ADARB2: variants seen among roughly 807,000 people sequenced by gnomAD.
ADARB2 encodes inactive double-stranded RNA-specific editase B2.
In ADARB2, 25 loss-of-function variants were observed where a neutral mutation model predicts 62.2. That is an observed-to-expected ratio of 0.40 (90% CI 0.29 to 0.56). The LOEUF (loss-of-function observed/expected upper bound fraction) is 0.56, where lower values mean the gene tolerates loss of function less well. ADARB2 is among the 20% of genes least tolerant of loss of function. ADARB2 has a pLI of 0.43. For synonymous variants in ADARB2, 572 were observed against 500.8 expected, an observed-to-expected ratio of 1.14 and a Z score of -1.90; for missense variants, 1,071 against 1,077.4, an observed-to-expected ratio of 0.99 and a Z score of 0.08.
intron 3 of ADARB2, among the ~76,000 whole-genome samples, chr10:1,350,494 C>T (rs1304792417): frequency 6.6e-6 from 1 of 152,192 alleles, no homozygotes; most frequent in Non-Finnish European, 1.5e-5. Context: ...GTCTGACTTA[C>T]AGTTTCGTTC....
intron 1 of ADARB2, among the ~76,000 whole-genome samples, chr10:1,414,732 A>T (rs1476528253): frequency 6.6e-6 from 1 of 151,976 alleles, no homozygotes; most frequent in Non-Finnish European, 1.5e-5. Flanking sequence ...TACTTCTCAA[A>T]CTGTCTTTTT....
At chr10:1,257,968 T>C (rs74975806) in intron 4 of ADARB2, among the ~76,000 whole-genome samples, 5,017 of 152,314 alleles carry the variant, frequency 0.033, 302 homozygotes, top group African/African-American at 0.11. Flanking sequence ...ATTTGTTCAC[T>C]AATTAGCCTG....
Position 1,179,083 on chromosome 10 carries a change from A to G in ADARB2, c.*4110T>C, listed in dbSNP as rs1836628020. 1 of 152,202 alleles carries G rather than the reference A, an allele frequency of 6.6e-6. No homozygotes were observed. Among genetic ancestry groups the G allele is most frequent in the African/African-American group, 2.4e-5 (1 of 41,456 alleles). 9.4% of individuals were successfully genotyped at this position (152,202 alleles called of 1,614,324 possible). On this transcript the variant is annotated 3_prime_UTR_variant, in exon 10 of 10. Transcript: ENST00000381312. ...CAAATGTCTTCAGTTGTTTTAAACA[A>G]TACACTATAGACACATCTTGAAATT...
At chr10:1,600,455 G>GT (rs1438398766) in intron 1 of ADARB2, among the ~76,000 whole-genome samples, 1 of 152,052 alleles carries the variant, frequency 6.6e-6, no homozygotes, top group Admixed American at 6.6e-5. Context: ...GAGGTCAGGA[G>GT]TTTGAGACCA....
chr10:1,692,328 C>T (rs190018666), intron 1 of ADARB2, among the ~76,000 whole-genome samples: 14 of 152,266 alleles, frequency 9.2e-5, no homozygotes, highest in Admixed American at 3.9e-4. Context: ...CCCAGAAGCT[C>T]GGAAAGCAGG....
intron 1 of ADARB2, among the ~76,000 whole-genome samples, chr10:1,618,742 G>A (rs1050124239): frequency 1.3e-5 from 2 of 152,124 alleles, no homozygotes; most frequent in Admixed American, 6.5e-5. Context: ...GTAATCGACA[G>A]TTTCTCAATG....
chr10:1,699,235 C>T (rs10794787), intron 1 of ADARB2, among the ~76,000 whole-genome samples: 68,097 of 74,676 alleles, frequency 0.91, 31,303 homozygotes, highest in South Asian at 0.96. Context: ...ACCAGGCGCT[C>T]GCCAATACAC....
chr10:1,285,142 T>C (rs1229989757), intron 3 of ADARB2, among the ~76,000 whole-genome samples: 2 of 139,122 alleles, frequency 1.4e-5, no homozygotes, highest in Middle Eastern at 4.1e-3. Flanking sequence ...TTTTTATATA[T>C]GAAAAAGAGA....
intron 3 of ADARB2, among the ~76,000 whole-genome samples, chr10:1,284,032 T>C (rs2131806532): frequency 6.6e-6 from 1 of 152,316 alleles, no homozygotes. Context: ...GAAATTAAAC[T>C]GAAAGGGCCA....
At chr10:1,219,093 C>T (rs910713079) in intron 6 of ADARB2, among the ~76,000 whole-genome samples, 5 of 151,924 alleles carry the variant, frequency 3.3e-5, no homozygotes, top group African/African-American at 1.2e-4. Flanking sequence ...CTCCCCCGCC[C>T]TCTCACTCCT....
intron 3 of ADARB2, among the ~76,000 whole-genome samples, chr10:1,279,838 G>T (rs576806798): frequency 2.0e-5 from 3 of 152,166 alleles, no homozygotes; most frequent in Non-Finnish European, 2.9e-5. Context: ...CGTGGTTCAC[G>T]GCTGGAGGGG....
chr10:1,628,445 G>A (rs539482712), intron 1 of ADARB2, among the ~76,000 whole-genome samples: 6 of 152,320 alleles, frequency 3.9e-5, no homozygotes, highest in African/African-American at 1.4e-4. Flanking sequence ...TGAAGGCACC[G>A]GGAGGAACTT....
chr10:1,284,144 A>G (rs184792677), intron 3 of ADARB2, among the ~76,000 whole-genome samples: 1 of 152,240 alleles, frequency 6.6e-6, no homozygotes, highest in Non-Finnish European at 1.5e-5. Context: ...ACACGATTAT[A>G]CCTGCCAGGG....
chr10:1,324,081 G>T (rs1326164765), intron 3 of ADARB2, among the ~76,000 whole-genome samples: 1 of 152,116 alleles, frequency 6.6e-6, no homozygotes. Context: ...AATCAGAAAT[G>T]GGCAAAAGAC....
At chr10:1,440,345 T>A (rs1489676339) in intron 1 of ADARB2, among the ~76,000 whole-genome samples, 1 of 152,022 alleles carries the variant, frequency 6.6e-6, no homozygotes, top group Non-Finnish European at 1.5e-5. Flanking sequence ...CTGATCCTCA[T>A]GGTGTGGACC....
At chr10:1,317,450 A>G (rs1383858033) in intron 3 of ADARB2, among the ~76,000 whole-genome samples, 2 of 152,228 alleles carry the variant, frequency 1.3e-5, no homozygotes, top group African/African-American at 4.8e-5. Context: ...AGGGTTTCAC[A>G]TAATTTTTTA....
At chr10:1,652,637 A>C (rs1035183607) in intron 1 of ADARB2, among the ~76,000 whole-genome samples, 5 of 152,342 alleles carry the variant, frequency 3.3e-5, no homozygotes, top group Admixed American at 6.5e-5. Flanking sequence ...GCTACTGGGT[A>C]GCATATTGTT....
chr10:1,295,527 C>A (rs1426500849), intron 3 of ADARB2, among the ~76,000 whole-genome samples: 1 of 152,068 alleles, frequency 6.6e-6, no homozygotes, highest in African/African-American at 2.4e-5. Context: ...ACAGGGAGGA[C>A]AAGAGGACCC....
chr10:1,464,182 CGG>C (rs1831216069), intron 1 of ADARB2, among the ~76,000 whole-genome samples: 1 of 105,794 alleles, frequency 9.5e-6, no homozygotes, highest in Non-Finnish European at 2.0e-5. Flanking sequence ...GGCAGTGCGC[CGG>C]AGAAGAGGGT....
Sources: allele counts gnomAD v4.1 joint callset (sites outside exome capture counted in the v4.1 genomes callset), GRCh38; gene constraint gnomAD v4.1.1; transcripts MANE v1.5; gene names NCBI Gene and HGNC (gene_info 2026-07-23, HGNC 2026-07-21).